Variants in MAPK8 observed in about 807,000 individuals in gnomAD.
MAPK8 encodes the protein mitogen-activated protein kinase 8, also known as JUN N-terminal kinase.
Under a neutral mutation model 52.9 loss-of-function variants are expected in MAPK8, and 13 were observed. The ratio of observed to expected loss-of-function variants is 0.25; its 90% confidence interval spans 0.16 to 0.39. The LOEUF is 0.39. MAPK8 is among the 10% of genes least tolerant of loss of function. The pLI is 1.00. For synonymous variants in MAPK8, 191 were observed against 169.8 expected (o/e 1.12, Z -0.97); for missense variants, 300 against 519.2 (o/e 0.58, Z 4.10).
At chr10:48,355,644 A>G (rs187863858) in intron 1 of MAPK8, among the ~76,000 whole-genome samples, 7 of 152,372 alleles carry the variant, frequency 4.6e-5, no homozygotes, top group Admixed American at 3.9e-4. Context: ...GAGAAGTTAT[A>G]CATATTTAAA....
intron 1 of MAPK8, among the ~76,000 whole-genome samples, chr10:48,386,086 A>G (rs897177584): frequency 6.6e-6 from 1 of 152,172 alleles, no homozygotes; most frequent in East Asian, 1.9e-4. Flanking sequence ...CTCATTTGCT[A>G]TTCTTAATTT....
At chr10:48,368,874 G>A (rs991188512) in intron 1 of MAPK8, among the ~76,000 whole-genome samples, 3 of 152,146 alleles carry the variant, frequency 2.0e-5, no homozygotes, top group Admixed American at 6.6e-5. Flanking sequence ...TGTCTCTCAT[G>A]TCTGCTTCAT....
chr10:48,308,374 T>C (rs533404255), intron 1 of MAPK8: 1 of 152,350 alleles, frequency 6.6e-6, no homozygotes, highest in African/African-American at 2.4e-5. Context: ...AACCGTAATG[T>C]TCTCCATAAA....
chr10:48,333,734 A>G (rs950430665), intron 1 of MAPK8, among the ~76,000 whole-genome samples: 2 of 152,286 alleles, frequency 1.3e-5, no homozygotes, highest in Non-Finnish European at 2.9e-5. Context: ...GGGCCTAGGA[A>G]AGCTAACTAG....
chr10:48,425,488 G>T (rs1045022666), intron 7 of MAPK8: 2 of 370,234 alleles, frequency 5.4e-6, no homozygotes, highest in Admixed American at 8.6e-5. Context: ...ATATTGTCTA[G>T]GAGATATAAT....
intron 5 of MAPK8, among the ~76,000 whole-genome samples, chr10:48,416,723 T>A (rs1246391738): frequency 6.6e-6 from 1 of 152,150 alleles, no homozygotes; most frequent in African/African-American, 2.4e-5. Context: ...TTAGTTGTAA[T>A]TAAATTCTTC....
intron 1 of MAPK8, among the ~76,000 whole-genome samples, chr10:48,313,482 T>C (rs1013719836): frequency 9.9e-5 from 15 of 152,130 alleles, no homozygotes; most frequent in Non-Finnish European, 1.0e-4. Context: ...AAGACATTAA[T>C]ATTTTTATAA....
At chr10:48,358,694 G>T (rs1847219330) in intron 1 of MAPK8, among the ~76,000 whole-genome samples, 1 of 152,138 alleles carries the variant, frequency 6.6e-6, no homozygotes, top group African/African-American at 2.4e-5. Context: ...CAAATCCAGG[G>T]TCTAAAAGAT....
At chr10:48,375,601 A>C (rs951881291) in intron 1 of MAPK8, among the ~76,000 whole-genome samples, 2 of 152,226 alleles carry the variant, frequency 1.3e-5, no homozygotes, top group Non-Finnish European at 2.9e-5. Context: ...TAACAGACAG[A>C]CAGCCAAATC....
At chr10:48,365,990 G>A (rs1413144993) in intron 1 of MAPK8, among the ~76,000 whole-genome samples, 1 of 152,026 alleles carries the variant, frequency 6.6e-6, no homozygotes, top group Admixed American at 6.6e-5. Context: ...TTTGCGGAAT[G>A]TACTTGATCA....
In MAPK8 at chr10:48,363,925, A is replaced by G. The variant is rs143987743; in HGVS notation, c.-49-37687A>G. Among the ~76,000 whole-genome samples, 1,076 of 152,344 alleles carry G rather than the reference A, an allele frequency of 7.1e-3. 11 individuals are homozygous for G. The highest frequency in any genetic ancestry group is 0.025 in the African/African-American group (1,033 of 41,578). ...TCTTCATATCAGTAGTAAAAAGTGC[A>G]TTACAGTGCTTAGAAGATTTTGTTT... On this transcript the variant is annotated intron_variant, in intron 1 of 11. Coordinates refer to ENST00000374189, the MANE Select transcript of MAPK8 (RefSeq NM_001323329.2).
intron 5 of MAPK8, 71 bp downstream of exon 5, chr10:48,410,239 C>A: frequency 7.4e-7 from 1 of 1,357,864 alleles, no homozygotes; most frequent in South Asian, 1.9e-5. Flanking sequence ...CAAAATTAAC[C>A]ATTCTAAAGT....
Position 48,386,211 on chromosome 10 carries a change from C to T in MAPK8, c.-49-15401C>T, listed in dbSNP as rs148060035. Among the ~76,000 whole-genome samples, 64 of 152,142 alleles carry T rather than the reference C, an allele frequency of 4.2e-4. 1 individual carries two copies. Among genetic ancestry groups the T allele is most frequent in the Admixed American group, 1.2e-3 (19 of 15,272 alleles). ...AAGTTAGAAGAAAATGTCAGGCATT[C>T]GGGTCTTCTCAAGGAATGAGATTTT... is the stretch of plus-strand genomic sequence containing the variant. On this transcript the variant is annotated intron_variant, in intron 1 of 11. Transcript: ENST00000374189.
Position 48,422,838 on chromosome 10 carries a change from A to G in MAPK8, c.617-1250A>G, listed in dbSNP as rs549084655. 2.2e-4 allele frequency among the ~76,000 whole-genome samples: 34 copies of G among 152,328 alleles called. No individual in the cohort carries two copies. The South Asian group carries it at 6.2e-3, about 28-fold the overall frequency. The stretch of plus-strand genomic sequence containing the variant: ...CACAGTATTTCCAAAAGTAATTTCC[A>G]GTTTAGCTCTTAAGACTCTTCAGTG... On this transcript the variant is annotated intron_variant, in intron 6 of 11. Coordinates refer to ENST00000374189, the MANE Select transcript of MAPK8 (RefSeq NM_001323329.2).
At chr10:48,335,706 G>A (rs1281491620) in intron 1 of MAPK8, among the ~76,000 whole-genome samples, 2 of 152,112 alleles carry the variant, frequency 1.3e-5, no homozygotes, top group Admixed American at 6.6e-5. Context: ...TGTCTCACAA[G>A]TGCTTTTCCT....
rs2044828975 is a variant in MAPK8 at position 48,436,070 on chromosome 10, A to G, written c.*1041A>G. On this transcript the variant is annotated 3_prime_UTR_variant, in exon 12 of 12. Transcript: ENST00000374189. ...TGTTTCATTTGATTCTACTTGTAGCATAATCATTTATACGAGCTATTGGGA... is the reference window on the plus strand; with the variant it reads ...TGTTTCATTTGATTCTACTTGTAGCGTAATCATTTATACGAGCTATTGGGA... The G allele has an allele frequency of 1.3e-5, 2 of 152,196 alleles. No homozygotes were observed. Among genetic ancestry groups the G allele is most frequent in the Admixed American group, 1.3e-4 (2 of 15,276 alleles). The allele number at this position is 152,196 out of a possible 1,614,324, so 9.4% of individuals were successfully genotyped here.
rs1403778951 is a variant in MAPK8, at chr10:48,436,716, C to T, written c.*1687C>T. 1.3e-5 allele frequency: 2 copies of T among 152,150 alleles called. No individual in the cohort carries two copies. Among genetic ancestry groups the T allele is most frequent in the Non-Finnish European group, 2.9e-5 (2 of 68,034 alleles). 9.4% of individuals were successfully genotyped at this position (152,150 alleles called of 1,614,324 possible). On this transcript the variant is annotated 3_prime_UTR_variant, in exon 12 of 12. Coordinates refer to ENST00000374189, the MANE Select transcript of MAPK8 (RefSeq NM_001323329.2). ...ATGTGCAATATTTAAGATTAAAATA[C>T]ATTAGCTTTTTTATATACTTTGAAG...
intron 1 of MAPK8, among the ~76,000 whole-genome samples, chr10:48,361,469 A>G (rs1016125416): frequency 6.6e-6 from 1 of 152,196 alleles, no homozygotes; most frequent in Non-Finnish European, 1.5e-5. Context: ...GGGTGAAAAC[A>G]GCCACTGAAC....
At chr10:48,375,632 A>G (rs1360210481) in intron 1 of MAPK8, among the ~76,000 whole-genome samples, 3 of 152,228 alleles carry the variant, frequency 2.0e-5, no homozygotes, top group Non-Finnish European at 4.4e-5. Flanking sequence ...TCCCATTCAC[A>G]GTTGCTACAA....
Sources: allele counts gnomAD v4.1 joint callset (sites outside exome capture counted in the v4.1 genomes callset), GRCh38; gene constraint gnomAD v4.1.1; transcripts MANE v1.5; gene names NCBI Gene and HGNC (gene_info 2026-07-23, HGNC 2026-07-21).